The following DYM variants were observed in gnomAD, a reference collection of about 807,000 sequenced individuals.
The protein encoded by DYM is dyggve-Melchior-Clausen syndrome protein.
In DYM, 78 loss-of-function variants were observed where a neutral mutation model predicts 93.1. The ratio of observed to expected loss-of-function variants is 0.84; its 90% CI spans 0.70 to 1.01. The LOEUF is 1.01. Ranked by LOEUF, DYM falls within the 50% of genes least tolerant of loss-of-function variation. The pLI is 0.00. For missense variants in DYM, 789 were observed against 845.0 expected, an observed-to-expected ratio of 0.93 and a Z score of 0.82; for synonymous variants, 321 against 319.7, an observed-to-expected ratio of 1.00 and a Z score of -0.04.
intron 14 of DYM, among the ~76,000 whole-genome samples, chr18:49,173,690 G>A (rs1238441303): frequency 6.6e-6 from 1 of 152,062 alleles, no homozygotes; most frequent in Non-Finnish European, 1.5e-5. Flanking sequence ...TGTGTCCTAT[G>A]ATCCTGCTAA....
intron 8 of DYM, among the ~76,000 whole-genome samples, chr18:49,327,367 G>A (rs2062973655): frequency 6.6e-6 from 1 of 151,748 alleles, no homozygotes; most frequent in South Asian, 2.1e-4. Flanking sequence ...TTTTGTTTTT[G>A]TTTTTTTGTT....
At chr18:49,225,569 A>G (rs943674145) in intron 13 of DYM, among the ~76,000 whole-genome samples, 4 of 152,162 alleles carry the variant, frequency 2.6e-5, no homozygotes, top group African/African-American at 7.2e-5. Context: ...CCTCTTTACA[A>G]TATAACATAA....
At chr18:49,363,480 T>C (rs1382760299) in intron 5 of DYM, among the ~76,000 whole-genome samples, 2 of 152,262 alleles carry the variant, frequency 1.3e-5, no homozygotes, top group African/African-American at 4.8e-5. Flanking sequence ...GAAGGTACTT[T>C]AGGCTCCTGT....
chr18:49,339,933 G>T (rs959281795), intron 6 of DYM, among the ~76,000 whole-genome samples: 26 of 151,622 alleles, frequency 1.7e-4, no homozygotes, highest in African/African-American at 5.6e-4. Context: ...GGGTTTTTTT[G>T]GGGTTTTTTG....
Position 49,135,492 on chromosome 18 carries a change from G to A in DYM, c.1729-16566C>T, listed in dbSNP as rs562571235. Among the ~76,000 whole-genome samples the A allele has an allele frequency of 7.9e-5, 12 of 152,304 alleles. No homozygotes were observed. The South Asian group carries it at 2.1e-3, about 26-fold the overall frequency. On this transcript the variant is annotated intron_variant, in intron 15 of 17. Transcript: ENST00000675505. ...AAAACTATTACAGAAGAGTGGAAATGAGACAATGAACATGCAAAACACCTA... is the reference window on the plus strand; with the variant it reads ...AAAACTATTACAGAAGAGTGGAAATAAGACAATGAACATGCAAAACACCTA...
intron 2 of DYM, among the ~76,000 whole-genome samples, chr18:49,429,590 C>A (rs372110408): frequency 6.6e-6 from 1 of 152,168 alleles, no homozygotes; most frequent in South Asian, 2.1e-4. Context: ...GGGAAACACA[C>A]CTCTCATGCA....
intron 17 of DYM, among the ~76,000 whole-genome samples, chr18:49,049,193 G>A (rs900348432): frequency 6.6e-6 from 1 of 152,036 alleles, no homozygotes; most frequent in South Asian, 2.1e-4. Context: ...TAATACAATT[G>A]ATTACCTATT....
At chr18:49,278,813 A>T (rs968682231) in intron 10 of DYM, among the ~76,000 whole-genome samples, 48 of 152,164 alleles carry the variant, frequency 3.2e-4, no homozygotes, top group Non-Finnish European at 1.9e-4. Context: ...ACCAGCTATG[A>T]CTGAAGCCAA....
chr18:49,319,143 T>G (rs1312829208), intron 8 of DYM, among the ~76,000 whole-genome samples: 1 of 152,200 alleles, frequency 6.6e-6, no homozygotes, highest in East Asian at 1.9e-4. Flanking sequence ...GAAACATTGT[T>G]GCAAAGCTTT....
At chr18:49,318,567 A>G (rs1421861522) in intron 8 of DYM, among the ~76,000 whole-genome samples, 2 of 151,984 alleles carry the variant, frequency 1.3e-5, no homozygotes, top group African/African-American at 4.8e-5. Flanking sequence ...GGTTGTAGTG[A>G]GCCGAGATGG....
At chr18:49,388,827 G>GA in intron 3 of DYM, among the ~76,000 whole-genome samples, 1 of 144,922 alleles carries the variant, frequency 6.9e-6, no homozygotes, top group East Asian at 2.0e-4. Flanking sequence ...TTAAAGTACG[G>GA]AAAATAAATT....
intron 2 of DYM, chr18:49,413,142 A>C (rs1349944553): frequency 6.6e-6 from 1 of 152,272 alleles, no homozygotes; most frequent in Non-Finnish European, 1.5e-5. Flanking sequence ...TGGGTCTCAG[A>C]TTAGCCTGTG....
rs1292028962 is a variant in DYM, at chr18:49,209,689, T to G, written c.1487A>C (p.Tyr496Ser). 1 of 1,285,348 alleles carries G rather than the reference T, an allele frequency of 7.8e-7. No individual in the cohort carries two copies. The highest frequency in any genetic ancestry group is 1.0e-6 in the Non-Finnish European group (1 of 986,510). The allele number at this position is 1,285,348 out of a possible 1,614,324, so 79.6% of individuals were successfully genotyped here. ...ISYTCRHLRR[Y>S]VYVLDKLYFP... ...ATACAGTTTGTCCAACACATAAACA[T>G]ATCTCCGCAAGTGGCGGCAGGTATA... Residue 496 changes from tyrosine (Y) to serine (S), a missense_variant, in exon 14 of 18, where the codon TAT (tyrosine) becomes TCT (serine). Physicochemically the swap from Tyr to Ser is moderately radical, Grantham distance 144. Around this residue, in one of 3 missense-constraint regions of DYM, gnomAD observed 225 missense variants for 303.0 expected, o/e 0.74. Transcript: ENST00000675505.
chr18:49,191,989 TG>T (rs2091013089), intron 14 of DYM, among the ~76,000 whole-genome samples: 1 of 151,756 alleles, frequency 6.6e-6, no homozygotes, highest in African/African-American at 2.4e-5. Flanking sequence ...CAGGCTGGAG[TG>T]TAATAGTGCA....
At chr18:49,210,762 T>C (rs529478370) in intron 13 of DYM, among the ~76,000 whole-genome samples, 2 of 152,228 alleles carry the variant, frequency 1.3e-5, no homozygotes, top group African/African-American at 2.4e-5. Flanking sequence ...AGGATGTTGA[T>C]AGTGGGGGAG....
intron 3 of DYM, among the ~76,000 whole-genome samples, chr18:49,389,598 T>A (rs1429083872): frequency 6.6e-6 from 1 of 152,112 alleles, no homozygotes; most frequent in Non-Finnish European, 1.5e-5. Context: ...CTGGGCTCGA[T>A]CAATCCTCCT....
chr18:49,357,906 T>G (rs1568310463), intron 6 of DYM, among the ~76,000 whole-genome samples: 1 of 152,080 alleles, frequency 6.6e-6, no homozygotes, highest in Admixed American at 6.5e-5. Context: ...TCCCAGCACT[T>G]TAGGAGGCCA....
chr18:49,208,381 T>C (rs2092624870), intron 14 of DYM: 1 of 152,132 alleles, frequency 6.6e-6, no homozygotes, highest in East Asian at 1.9e-4. Context: ...GGGTTTAGTC[T>C]GCTAAATTTG....
intron 15 of DYM, among the ~76,000 whole-genome samples, chr18:49,139,849 T>C (rs2084263395): frequency 6.6e-6 from 1 of 152,200 alleles, no homozygotes. Context: ...CAGAACACGA[T>C]GAATCCTAGG....
Sources: gnomAD v4.1 joint callset for allele counts (sites outside exome capture counted in the v4.1 genomes callset) on GRCh38, gnomAD v4.1.1 for gene constraint, gnomAD v4.1.1 regional missense constraint, MANE v1.5 for transcripts, NCBI Gene and HGNC (gene_info 2026-07-23, HGNC 2026-07-21) for gene names.